UBL3: variants seen among roughly 807,000 people sequenced by gnomAD.
UBL3 encodes ubiquitin-like protein 3.
A neutral mutation model predicts 18.4 loss-of-function variants in UBL3; 6 were observed. The ratio of observed to expected loss-of-function variants is 0.33; its 90% CI spans 0.18 to 0.64. The LOEUF (loss-of-function observed/expected upper bound fraction) is 0.64, where lower values mean the gene tolerates loss of function less well. UBL3 is among the 30% of genes least tolerant of loss of function. The probability of loss-of-function intolerance (pLI) is 0.76; values close to 1 mark genes in which losing one functional copy is unlikely to be tolerated. For missense variants in UBL3, 109 were observed against 142.9 expected, an observed-to-expected ratio of 0.76 and a Z score of 1.21; for synonymous variants, 49 against 46.6, an observed-to-expected ratio of 1.05 and a Z score of -0.21.
At chr13:29,844,508 T>C (rs1253436273) in intron 1 of UBL3, among the ~76,000 whole-genome samples, 2 of 152,164 alleles carry the variant, frequency 1.3e-5, no homozygotes, top group African/African-American at 4.8e-5. Context: ...TAGCTCTAAG[T>C]CATCAAAAAT....
At chr13:29,768,849 T>A (rs1565987360) in intron 3 of UBL3, among the ~76,000 whole-genome samples, 3 of 152,080 alleles carry the variant, frequency 2.0e-5, no homozygotes, top group Non-Finnish European at 1.5e-5. Context: ...CACTAAATAG[T>A]TGGGAAAGCC....
chr13:29,799,495 G>A (rs1416047422), intron 1 of UBL3, among the ~76,000 whole-genome samples: 1 of 152,064 alleles, frequency 6.6e-6, no homozygotes, highest in African/African-American at 2.4e-5. Flanking sequence ...TGTCTAAAAG[G>A]TACCTAAATG....
At chr13:29,813,147 T>G (rs537621124) in intron 1 of UBL3, among the ~76,000 whole-genome samples, 236 of 152,136 alleles carry the variant, frequency 1.6e-3, no homozygotes, top group African/African-American at 5.4e-3. Flanking sequence ...GGAAAAAAAT[T>G]TCTTTTCCTA....
intron 2 of UBL3, 26 bp from the exon 3 acceptor site, chr13:29,772,224 AGG>A: frequency 6.4e-7 from 1 of 1,573,950 alleles, no homozygotes; most frequent in Non-Finnish European, 8.7e-7. Context: ...TGTACTGGTT[AGG>A]TATATTCCAA....
At chr13:29,835,298 T>TA (rs1235310526) in intron 1 of UBL3, among the ~76,000 whole-genome samples, 1 of 146,748 alleles carries the variant, frequency 6.8e-6, no homozygotes, top group Middle Eastern at 3.2e-3. Context: ...ACCAAGGGAG[T>TA]AAAGGCTCTC....
chr13:29,813,088 CT>C (rs1439956474), intron 1 of UBL3, among the ~76,000 whole-genome samples: 1 of 152,022 alleles, frequency 6.6e-6, no homozygotes, highest in Admixed American at 6.6e-5. Flanking sequence ...TAGTCAATGT[CT>C]CCTTTATAAG....
intron 1 of UBL3, among the ~76,000 whole-genome samples, chr13:29,846,478 T>G (rs1175083552): frequency 6.6e-6 from 1 of 152,056 alleles, no homozygotes; most frequent in East Asian, 1.9e-4. Context: ...AAAATGAGAC[T>G]CCTTATGCTA....
chr13:29,818,976 T>C (rs1878356274), intron 1 of UBL3, among the ~76,000 whole-genome samples: 1 of 152,180 alleles, frequency 6.6e-6, no homozygotes, highest in African/African-American at 2.4e-5. Context: ...AGTATTATGG[T>C]TGTTTTAAAA....
intron 3 of UBL3, among the ~76,000 whole-genome samples, chr13:29,768,991 C>G (rs1876765653): frequency 6.6e-6 from 1 of 152,074 alleles, no homozygotes; most frequent in Non-Finnish European, 1.5e-5. Context: ...CTACTTCCAA[C>G]TGTGTAACTC....
chr13:29,836,379 T>TA (rs1239707347), intron 1 of UBL3, among the ~76,000 whole-genome samples: 3 of 147,228 alleles, frequency 2.0e-5, no homozygotes, highest in African/African-American at 7.5e-5. Flanking sequence ...AATAAATAAA[T>TA]AAAATAAAAC....
At chr13:29,795,890 T>TC (rs1240366530) in intron 1 of UBL3, among the ~76,000 whole-genome samples, 1 of 151,408 alleles carries the variant, frequency 6.6e-6, no homozygotes, top group Non-Finnish European at 1.5e-5. Context: ...TATGACTGTG[T>TC]CACTGCACTA....
chr13:29,807,001 T>C (rs1297587432), intron 1 of UBL3, among the ~76,000 whole-genome samples: 1 of 152,216 alleles, frequency 6.6e-6, no homozygotes, highest in East Asian at 1.9e-4. Flanking sequence ...TCAGTTATTC[T>C]AATATGTAGT....
intron 1 of UBL3, among the ~76,000 whole-genome samples, chr13:29,826,513 A>T (rs1260402748): frequency 1.3e-5 from 2 of 152,114 alleles, no homozygotes; most frequent in South Asian, 4.1e-4. Context: ...CTCTGATGGT[A>T]GTTTGTATTT....
intron 1 of UBL3, among the ~76,000 whole-genome samples, chr13:29,824,619 T>A (rs1181372190): frequency 6.6e-6 from 1 of 152,228 alleles, no homozygotes; most frequent in Non-Finnish European, 1.5e-5. Flanking sequence ...TTTTATCAGA[T>A]GAGTAGATTG....
At chr13:29,808,437 T>A (rs1877951732) in intron 1 of UBL3, among the ~76,000 whole-genome samples, 1 of 152,130 alleles carries the variant, frequency 6.6e-6, no homozygotes, top group Admixed American at 6.6e-5. Context: ...ACCTTTTGAT[T>A]TTTCCATTTC....
chr13:29,767,523 A>C, intron 4 of UBL3, 95 bp downstream of exon 4: 1 of 1,375,788 alleles, frequency 7.3e-7, no homozygotes, highest in Admixed American at 2.0e-5. Flanking sequence ...AACTATGCAA[A>C]CTTCCCTTCC....
chr13:29,787,998 A>G (rs561375664), intron 1 of UBL3, among the ~76,000 whole-genome samples: 1 of 152,296 alleles, frequency 6.6e-6, no homozygotes, highest in Admixed American at 6.5e-5. Context: ...TGACGGCATG[A>G]TGGTGGAAGT....
chr13:29,805,585 TGGG>T (rs978126531), intron 1 of UBL3, among the ~76,000 whole-genome samples: 31 of 152,120 alleles, frequency 2.0e-4, no homozygotes, highest in African/African-American at 7.5e-4. Context: ...TCCTTTAACT[TGGG>T]GGGAAAATCA....
chr13:29,813,963 G>A (rs189140360), intron 1 of UBL3, among the ~76,000 whole-genome samples: 1 of 152,200 alleles, frequency 6.6e-6, no homozygotes, highest in African/African-American at 2.4e-5. Context: ...ATGAATATTA[G>A]TGACACTGTT....
Sources: allele counts gnomAD v4.1 joint callset (sites outside exome capture counted in the v4.1 genomes callset), GRCh38; gene constraint gnomAD v4.1.1; transcripts MANE v1.5; gene names NCBI Gene and HGNC (gene_info 2026-07-23, HGNC 2026-07-21).